Variants in TRIM24 observed in about 807,000 individuals in gnomAD.
TRIM24 encodes transcription intermediary factor 1-alpha.
In TRIM24, 29 loss-of-function variants were observed where a neutral mutation model predicts 123.9. The observed-to-expected ratio is 0.23, with a 90% CI of 0.17 to 0.32. The LOEUF (loss-of-function observed/expected upper bound fraction) is 0.32. Among genes scored for constraint, TRIM24 ranks in the 10% least tolerant of loss-of-function variants. The pLI, the probability that TRIM24 is intolerant of heterozygous loss-of-function variation, is 1.00. For synonymous variants in TRIM24, 456 were observed against 461.1 expected (o/e 0.99, Z 0.14); for missense variants, 932 against 1,295.3 (o/e 0.72, Z 4.31).
intron 6 of TRIM24, among the ~76,000 whole-genome samples, chr7:138,537,869 GTAAACATT>G (rs1796926494): frequency 6.6e-6 from 1 of 152,128 alleles, no homozygotes. Context: ...AATTTTACTT[GTAAACATT>G]TCTAATTTGT....
At chr7:138,461,145 G>A in intron 1 of TRIM24, 1 of 695,496 alleles carries the variant, frequency 1.4e-6, no homozygotes, top group Non-Finnish European at 2.6e-6. Flanking sequence ...CGCCGCCGCC[G>A]CCGCCGCTGC....
At chr7:138,572,207 T>TA (rs1563065072) in intron 11 of TRIM24, among the ~76,000 whole-genome samples, 1 of 152,214 alleles carries the variant, frequency 6.6e-6, no homozygotes. Flanking sequence ...GTAGAATACA[T>TA]ATATTTTCTC....
At chr7:138,561,055 T>G (rs1797417272) in intron 9 of TRIM24, among the ~76,000 whole-genome samples, 1 of 152,200 alleles carries the variant, frequency 6.6e-6, no homozygotes, top group African/African-American at 2.4e-5. Flanking sequence ...TCCTCTTTCC[T>G]TATATATAGC....
intron 2 of TRIM24, among the ~76,000 whole-genome samples, chr7:138,511,699 C>T (rs376290168): frequency 6.6e-6 from 1 of 152,142 alleles, no homozygotes; most frequent in Admixed American, 6.5e-5. Flanking sequence ...TCAGGTCCCA[C>T]CTCCAGCATT....
In TRIM24 at chr7:138,508,726, T is replaced by C. The variant is rs1386244478; in HGVS notation, c.483+4318T>C. ...GTGTGTGCGTGTGTGTGTGCGTGTGTGTGTGTGTGTGTGTGTGTGTCACTC... is the reference window on the plus strand; with the variant it reads ...GTGTGTGCGTGTGTGTGTGCGTGTGCGTGTGTGTGTGTGTGTGTGTCACTC... On this transcript the variant is annotated intron_variant, in intron 2 of 18. Transcript: ENST00000343526. Among the ~76,000 whole-genome samples, 139 of 149,050 alleles carry C rather than the reference T, an allele frequency of 9.3e-4. 1 individual carries two copies. Among genetic ancestry groups the C allele is most frequent in the African/African-American group, 2.6e-3 (102 of 39,786 alleles).
Position 138,577,696 on chromosome 7 carries a change from T to A in TRIM24, c.2256+108T>A, listed in dbSNP as rs929325610. ...TTTTAATGTTATATTTAAAAGGATT[T>A]AAAGACAATTTGAGGGAATCTCTCA... On this transcript the variant is annotated intron_variant, in intron 14 of 18. Coordinates refer to ENST00000343526, the MANE Select transcript of TRIM24 (RefSeq NM_015905.3). 4 of 932,038 alleles carry A rather than the reference T, an allele frequency of 4.3e-6. No homozygotes were observed. The African/African-American group carries it at 5.2e-5, about 12-fold the overall frequency. 57.7% of individuals were successfully genotyped at this position (932,038 alleles called of 1,614,324 possible).
At chr7:138,558,875 C>T (rs548024531) in intron 9 of TRIM24, among the ~76,000 whole-genome samples, 1 of 152,074 alleles carries the variant, frequency 6.6e-6, no homozygotes, top group Non-Finnish European at 1.5e-5. Context: ...GATAAGTGGA[C>T]CAAGTCATGC....
Position 138,583,787 on chromosome 7 carries a change from G to C in TRIM24, c.2794-63G>C. The C allele has an allele frequency of 2.6e-6, 3 of 1,162,772 alleles. No homozygotes were observed. In the South Asian group the frequency reaches 4.7e-5, roughly 18 times the overall value. The allele number at this position is 1,162,772 out of a possible 1,614,324, so 72.0% of individuals were successfully genotyped here. On this transcript the variant is annotated intron_variant, in intron 17 of 18. Coordinates refer to ENST00000343526, the MANE Select transcript of TRIM24 (RefSeq NM_015905.3). ...TCTGAATTTTAGAGCACATCTCATA[G>C]AATATATTTAGGACAAGGTGGAATT...
At chr7:138,476,503 G>A (rs561059410) in intron 1 of TRIM24, among the ~76,000 whole-genome samples, 1 of 151,024 alleles carries the variant, frequency 6.6e-6, no homozygotes, top group South Asian at 2.1e-4. Flanking sequence ...TGAGGCAGGA[G>A]AAATGCTTGA....
At chr7:138,492,742 G>T (rs542141786) in intron 1 of TRIM24, among the ~76,000 whole-genome samples, 2 of 152,276 alleles carry the variant, frequency 1.3e-5, no homozygotes, top group African/African-American at 4.8e-5. Context: ...AGTTACCGCA[G>T]TAACAAGATC....
intron 2 of TRIM24, among the ~76,000 whole-genome samples, chr7:138,512,463 A>G (rs1584710876): frequency 1.3e-5 from 2 of 152,070 alleles, no homozygotes; most frequent in African/African-American, 2.4e-5. Flanking sequence ...TTGGACATCC[A>G]GGCCTTTCCA....
chr7:138,567,760 G>C (rs773343697), intron 10 of TRIM24, 106 bp downstream of exon 10: 1 of 1,171,096 alleles, frequency 8.5e-7, no homozygotes, highest in Admixed American at 3.3e-5. Flanking sequence ...CCAAGAGCAA[G>C]CCTTCTTTTT....
intron 1 of TRIM24, among the ~76,000 whole-genome samples, chr7:138,484,112 ATTT>A (rs780943666): frequency 6.9e-6 from 1 of 144,906 alleles, no homozygotes. Context: ...TCATAAATAG[ATTT>A]TTTTTTTTTT....
intron 1 of TRIM24, among the ~76,000 whole-genome samples, chr7:138,464,058 G>A (rs892199475): frequency 1.4e-5 from 2 of 140,092 alleles, no homozygotes; most frequent in Admixed American, 7.8e-5. Flanking sequence ...GCAGTGGTGC[G>A]ATCTCGGCTC....
At chr7:138,465,349 T>C (rs1236778904) in intron 1 of TRIM24, among the ~76,000 whole-genome samples, 1 of 152,230 alleles carries the variant, frequency 6.6e-6, no homozygotes, top group African/African-American at 2.4e-5. Flanking sequence ...TTCTTTTACG[T>C]ATGTTAAGAA....
intron 1 of TRIM24, among the ~76,000 whole-genome samples, chr7:138,463,988 A>ATTTTTTTTTTTTT (rs1359459460): frequency 1.3e-3 from 43 of 32,092 alleles, no homozygotes; most frequent in Non-Finnish European, 2.1e-3. Flanking sequence ...AAAAATTTAG[A>ATTTTTTTTTTTTT]CTTTTTTTTT....
chr7:138,489,340 C>T (rs1013324496), intron 1 of TRIM24, among the ~76,000 whole-genome samples: 14 of 152,132 alleles, frequency 9.2e-5, no homozygotes, highest in Admixed American at 7.2e-4. Flanking sequence ...GCATTTAGCC[C>T]ATTTACATTT....
intron 10 of TRIM24, among the ~76,000 whole-genome samples, chr7:138,568,219 C>T (rs1050338638): frequency 6.6e-6 from 1 of 151,560 alleles, no homozygotes; most frequent in African/African-American, 2.4e-5. Flanking sequence ...CCTGGGTTCA[C>T]ACCATTTCTC....
At chr7:138,503,625 GT>G (rs35048476) in intron 1 of TRIM24, among the ~76,000 whole-genome samples, 4,194 of 135,748 alleles carry the variant, frequency 0.031, 112 homozygotes, top group East Asian at 0.1. Flanking sequence ...TTATATTAGA[GT>G]TTTTTTTTTT....
Sources: gnomAD v4.1 joint callset for allele counts (sites outside exome capture counted in the v4.1 genomes callset) on GRCh38, gnomAD v4.1.1 for gene constraint, MANE v1.5 for transcripts, NCBI Gene and HGNC (gene_info 2026-07-23, HGNC 2026-07-21) for gene names.